Variants in FLT1 observed in about 807,000 individuals in gnomAD.
FLT1 encodes the protein vascular endothelial growth factor receptor 1.
A neutral mutation model predicts 156.3 loss-of-function variants in FLT1; 49 were observed. That is an observed-to-expected ratio of 0.31 (90% CI 0.25 to 0.40). FLT1 has a LOEUF of 0.40. FLT1 is among the 10% of genes least tolerant of loss of function. The pLI is 1.00. For synonymous variants in FLT1, 594 were observed against 583.8 expected, an observed-to-expected ratio of 1.02 and a Z score of -0.25; for missense variants, 1,322 against 1,637.2, an observed-to-expected ratio of 0.81 and a Z score of 3.32.
At chr13:28,334,470 A>G (rs1872042632) in intron 17 of FLT1, among the ~76,000 whole-genome samples, 1 of 152,242 alleles carries the variant, frequency 6.6e-6, no homozygotes, top group Admixed American at 6.5e-5. Context: ...ATTATGACCA[A>G]GAAGACTTCC....
chr13:28,323,651 C>CAAAAA (rs111841154), intron 20 of FLT1, among the ~76,000 whole-genome samples: 1 of 125,424 alleles, frequency 8.0e-6, no homozygotes, highest in Non-Finnish European at 1.6e-5. Context: ...AACTCCATCT[C>CAAAAA]AAAAAAAAAA....
At chr13:28,412,359 T>TCTTC (rs1876299305) in intron 10 of FLT1, among the ~76,000 whole-genome samples, 1 of 124,618 alleles carries the variant, frequency 8.0e-6, no homozygotes, top group Non-Finnish European at 1.7e-5. Context: ...TCTCTTTCTT[T>TCTTC]CTTTCTTTCT....
At chr13:28,330,607 T>A (rs201667525) in intron 18 of FLT1, among the ~76,000 whole-genome samples, 1 of 138,210 alleles carries the variant, frequency 7.2e-6, no homozygotes, top group Admixed American at 7.5e-5. Flanking sequence ...TATATATATA[T>A]CATATATATA....
chr13:28,472,987 A>C (rs1033466958), intron 1 of FLT1, among the ~76,000 whole-genome samples: 1 of 152,238 alleles, frequency 6.6e-6, no homozygotes, highest in African/African-American at 2.4e-5. Flanking sequence ...ATGACCAATA[A>C]GCCCATGAAA....
intron 12 of FLT1, among the ~76,000 whole-genome samples, chr13:28,390,754 G>A (rs997201013): frequency 1.3e-5 from 2 of 152,200 alleles, no homozygotes; most frequent in Admixed American, 6.5e-5. Flanking sequence ...ACACTGGCAA[G>A]TGGGCAAAAT....
At chr13:28,327,041 CAG>C (rs1292154829) in intron 20 of FLT1, among the ~76,000 whole-genome samples, 1 of 152,230 alleles carries the variant, frequency 6.6e-6, no homozygotes, top group Non-Finnish European at 1.5e-5. Context: ...TCAAGTCACT[CAG>C]TTGATTTAGC....
At position 28,487,547 on chromosome 13, in the gene FLT1, C is replaced by T. The variant is rs557204324; in HGVS notation, c.64+7233G>A. On this transcript the variant is annotated intron_variant, in intron 1 of 29. Coordinates refer to ENST00000282397, the MANE Select transcript of FLT1 (RefSeq NM_002019.4). ...CAGGCTGAGAAAAAGTGCCTGTGAG[C>T]ACCGTGATAATCTGTGAAAAGGTAA... Among the ~76,000 whole-genome samples the T allele has an allele frequency of 2.6e-5, 4 of 152,300 alleles. No individual in the cohort carries two copies. In the South Asian group the frequency reaches 8.3e-4, roughly 32 times the overall value.
chr13:28,301,714 G>A lies in FLT1; in HGVS notation c.*1453C>T. 4.3e-6 allele frequency: 1 copy of A among 233,116 alleles called. No individual in the cohort carries two copies. Among genetic ancestry groups the A allele is most frequent in the Non-Finnish European group, 8.5e-6 (1 of 117,746 alleles). 14.4% of individuals were successfully genotyped at this position (233,116 alleles called of 1,614,324 possible). ...AACAGAGCCAGCTTAGCGATCCAAG[G>A]CCCACTTGATCTTTAGACCCTGAAG... On this transcript the variant is annotated 3_prime_UTR_variant, in exon 30 of 30. Transcript: ENST00000282397.
intron 1 of FLT1, among the ~76,000 whole-genome samples, chr13:28,476,303 G>A (rs773616715): frequency 9.9e-5 from 15 of 152,176 alleles, no homozygotes; most frequent in Non-Finnish European, 2.1e-4. Flanking sequence ...CTTTCTAGGC[G>A]GGGATTTAGA....
In FLT1 at chr13:28,475,024, C is replaced by T. The variant is rs80031810; in HGVS notation, c.65-7407G>A. On this transcript the variant is annotated intron_variant, in intron 1 of 29. Coordinates refer to ENST00000282397, the MANE Select transcript of FLT1 (RefSeq NM_002019.4). Reference sequence around the variant, plus strand: ...CACTAGTTGTTTTTCCAGCTTAAAACTTTAGAAGGCTGATTTTAGAGACCT... The same window carrying T: ...CACTAGTTGTTTTTCCAGCTTAAAATTTTAGAAGGCTGATTTTAGAGACCT... Among the ~76,000 whole-genome samples the T allele has an allele frequency of 3.5e-4, 53 of 152,312 alleles. No individual in the cohort carries two copies. In the East Asian group the frequency reaches 9.3e-3, roughly 27 times the overall value.
intron 10 of FLT1, among the ~76,000 whole-genome samples, chr13:28,420,476 A>G (rs963153834): frequency 4.6e-5 from 7 of 152,240 alleles, no homozygotes; most frequent in Non-Finnish European, 8.8e-5. Context: ...ATGGATACAA[A>G]TTGTATGTGT....
chr13:28,410,588 C>G (rs749197479), intron 10 of FLT1, among the ~76,000 whole-genome samples: 2 of 152,146 alleles, frequency 1.3e-5, no homozygotes, highest in Non-Finnish European at 2.9e-5. Context: ...TTAAAAGGAT[C>G]CTCTTTCAAT....
At chr13:28,315,154 A>G (rs1280244986) in intron 25 of FLT1, among the ~76,000 whole-genome samples, 1 of 152,222 alleles carries the variant, frequency 6.6e-6, no homozygotes, top group Non-Finnish European at 1.5e-5. Context: ...TGGTAGTCCT[A>G]CTTTATAGGA....
chr13:28,454,038 G>A (rs1476185512), intron 3 of FLT1, among the ~76,000 whole-genome samples: 1 of 152,066 alleles, frequency 6.6e-6, no homozygotes, highest in African/African-American at 2.4e-5. Context: ...GCTGGGTGGG[G>A]GGAGTGGGGA....
chr13:28,311,417 T>G (rs1454054223), intron 27 of FLT1, among the ~76,000 whole-genome samples, 173 bp downstream of exon 27: 1 of 152,220 alleles, frequency 6.6e-6, no homozygotes, highest in African/African-American at 2.4e-5. Context: ...AACAGTTGAA[T>G]TTAGGGGATG....
rs57608920 is a variant in FLT1 at position 28,372,566 on chromosome 13, GTATATATATATATATA to G, written c.2116+12303_2116+12318del. Among the ~76,000 whole-genome samples, 354 of 91,458 alleles carry G rather than the reference GTATATATATATATATA, an allele frequency of 3.9e-3. 15 individuals are homozygous for G. Among genetic ancestry groups the G allele is most frequent in the Admixed American group, 8.0e-3 (60 of 7,516 alleles). 60.0% of individuals were successfully genotyped at this position (91,458 alleles called of 152,430 possible). A position where few individuals can be genotyped will look rare whatever the true frequency, so the allele number is the denominator to read the frequency against. On this transcript the variant is annotated intron_variant, in intron 14 of 29. Transcript: ENST00000282397. ...CATATATTCCTCGTTTAAATAAAAT[GTATATATATATATATA>G]TATATATATATATATATATAGCTGG... is the stretch of plus-strand genomic sequence containing the variant.
At chr13:28,425,731 T>A (rs906997528) in intron 10 of FLT1, among the ~76,000 whole-genome samples, 6 of 149,346 alleles carry the variant, frequency 4.0e-5, no homozygotes, top group African/African-American at 1.3e-4. Context: ...ATTATTTAGT[T>A]TTTTTTTTAT....
intron 10 of FLT1, among the ~76,000 whole-genome samples, chr13:28,416,805 T>C (rs948984926): frequency 2.6e-5 from 4 of 152,214 alleles, no homozygotes; most frequent in African/African-American, 9.6e-5. Context: ...TCAAGTACTT[T>C]TTTCATACTC....
At chr13:28,307,191 T>C (rs183210777) in intron 28 of FLT1, among the ~76,000 whole-genome samples, 1 of 152,300 alleles carries the variant, frequency 6.6e-6, no homozygotes, top group East Asian at 1.9e-4. Flanking sequence ...CATTCGATTT[T>C]TTTTCTTGAA....
Sources: allele counts gnomAD v4.1 joint callset (sites outside exome capture counted in the v4.1 genomes callset), GRCh38; gene constraint gnomAD v4.1.1; transcripts MANE v1.5; gene names NCBI Gene and HGNC (gene_info 2026-07-23, HGNC 2026-07-21).